VWA8: variants seen among roughly 807,000 people sequenced by gnomAD.
VWA8 encodes the protein von Willebrand factor A domain containing 8.
Under a neutral mutation model 241.5 loss-of-function variants are expected in VWA8, and 221 were observed. The ratio of observed to expected loss-of-function variants is 0.91; its 90% CI spans 0.82 to 1.02. The LOEUF is 1.02. Among genes scored for constraint, VWA8 ranks in the 50% least tolerant of loss-of-function variants. The probability of loss-of-function intolerance (pLI) is 0.00; values close to 1 mark genes in which losing one functional copy is unlikely to be tolerated. For missense variants in VWA8, 2,322 were observed against 2,328.7 expected (o/e 1.00, Z 0.06); for synonymous variants, 852 against 827.1 (o/e 1.03, Z -0.52).
At chr13:41,835,978 A>C (rs2138008316) in intron 12 of VWA8, among the ~76,000 whole-genome samples, 1 of 152,294 alleles carries the variant, frequency 6.6e-6, no homozygotes, top group South Asian at 2.1e-4. Context: ...GGAACTTTTG[A>C]AACATATATA....
intron 12 of VWA8, among the ~76,000 whole-genome samples, chr13:41,840,476 A>G (rs76154790): frequency 6.6e-6 from 1 of 152,012 alleles, no homozygotes; most frequent in African/African-American, 2.4e-5. Flanking sequence ...AAAAAAAAAA[A>G]GTTACAGGTG....
chr13:41,871,774 A>G (rs1418942830), intron 9 of VWA8, among the ~76,000 whole-genome samples: 1 of 152,162 alleles, frequency 6.6e-6, no homozygotes, highest in Non-Finnish European at 1.5e-5. Flanking sequence ...ATACATGTGC[A>G]TGTGTCTTTA....
At chr13:41,928,810 C>T (rs1357043864) in intron 2 of VWA8, among the ~76,000 whole-genome samples, 2 of 149,704 alleles carry the variant, frequency 1.3e-5, no homozygotes, top group African/African-American at 4.9e-5. Context: ...AAAAATAAAA[C>T]TGATAAACCT....
intron 37 of VWA8, among the ~76,000 whole-genome samples, chr13:41,624,858 A>G (rs1035871550): frequency 3.9e-5 from 6 of 152,150 alleles, no homozygotes; most frequent in African/African-American, 1.4e-4. Context: ...AAGGCATCCA[A>G]ATAGAAAGAC....
chr13:41,729,180 T>C (rs1000083221), intron 23 of VWA8, among the ~76,000 whole-genome samples: 7 of 151,950 alleles, frequency 4.6e-5, no homozygotes, highest in Admixed American at 3.9e-4. Flanking sequence ...TATGTGTACA[T>C]ATAAAATAAA....
At chr13:41,644,124 T>A (rs1397810278) in intron 37 of VWA8, among the ~76,000 whole-genome samples, 2 of 152,194 alleles carry the variant, frequency 1.3e-5, no homozygotes, top group African/African-American at 4.8e-5. Context: ...ACCCAGATTT[T>A]TTTTTAATTG....
At chr13:41,658,500 G>C (rs1428521053) in intron 37 of VWA8, among the ~76,000 whole-genome samples, 1 of 152,142 alleles carries the variant, frequency 6.6e-6, no homozygotes, top group African/African-American at 2.4e-5. Context: ...ACACAGTCAC[G>C]ATTACCTCAC....
chr13:41,615,023 G>C lies in VWA8; in HGVS notation c.4673C>G (p.Pro1558Arg), dbSNP rs2044612159. 1 of 1,613,750 alleles carries C rather than the reference G, an allele frequency of 6.2e-7. No individual in the cohort carries two copies. The highest frequency in any genetic ancestry group is 8.5e-7 in the Non-Finnish European group (1 of 1,179,966). ...GCCGCCCACGTGAGGCATGTTGTCTGGGTCCTCCTTCCCGTGTTTGGGGGA... is the reference window on the plus strand; with the variant it reads ...GCCGCCCACGTGAGGCATGTTGTCTCGGTCCTCCTTCCCGTGTTTGGGGGA... Reference protein sequence around the residue: ...VSSPKHGKEDPDNMPHVGGNT... With the variant: ...VSSPKHGKEDRDNMPHVGGNT... The change falls in exon 38 of 45, where the codon CCA becomes CGA. Residue 1558 changes from proline (P) to arginine (R), a missense_variant. Transcript: ENST00000379310.
At chr13:41,779,270 C>G (rs1436798240) in intron 19 of VWA8, among the ~76,000 whole-genome samples, 1 of 148,370 alleles carries the variant, frequency 6.7e-6, no homozygotes, top group African/African-American at 2.5e-5. Context: ...TATACATATA[C>G]ATACTCACAG....
intron 1 of VWA8, among the ~76,000 whole-genome samples, chr13:41,959,176 A>G (rs1259075647): frequency 6.6e-6 from 1 of 152,218 alleles, no homozygotes; most frequent in Non-Finnish European, 1.5e-5. Flanking sequence ...TTGAGCATTA[A>G]TATGTGCCAC....
chr13:41,662,429 A>G (rs1320383698), intron 37 of VWA8, among the ~76,000 whole-genome samples: 1 of 151,990 alleles, frequency 6.6e-6, no homozygotes, highest in African/African-American at 2.4e-5. Context: ...GTATTTTTAA[A>G]TTTTAATTGT....
At chr13:41,950,360 G>C (rs946534308) in intron 1 of VWA8, among the ~76,000 whole-genome samples, 1 of 143,796 alleles carries the variant, frequency 7.0e-6, no homozygotes, top group Non-Finnish European at 1.5e-5. Flanking sequence ...TATCCATAGA[G>C]TAAAATCTTT....
At chr13:41,856,161 C>A (rs1274652987) in intron 12 of VWA8, among the ~76,000 whole-genome samples, 2 of 152,006 alleles carry the variant, frequency 1.3e-5, no homozygotes, top group Non-Finnish European at 2.9e-5. Flanking sequence ...TATGGTAAAA[C>A]CCCATCGCTA....
At chr13:41,730,262 G>A (rs558650904) in intron 22 of VWA8, among the ~76,000 whole-genome samples, 2 of 152,292 alleles carry the variant, frequency 1.3e-5, no homozygotes, top group South Asian at 4.1e-4. Context: ...GAAGTTAAAT[G>A]TGAGAAAAGT....
rs556316151 is a variant in VWA8 at position 41,752,634 on chromosome 13, T to C, written c.2426+8494A>G. Among the ~76,000 whole-genome samples the C allele has an allele frequency of 2.6e-5, 4 of 152,238 alleles. No homozygotes were observed. The East Asian group carries it at 5.8e-4, about 22-fold the overall frequency. On this transcript the variant is annotated intron_variant, in intron 21 of 44. Transcript: ENST00000379310. ...CTGGGCAAAGAGGAGGGGATGGAAATAAGACATAGAAACTACTACAGTGCA... is the reference window on the plus strand; with the variant it reads ...CTGGGCAAAGAGGAGGGGATGGAAACAAGACATAGAAACTACTACAGTGCA...
rs375478438 is a variant in VWA8, at chr13:41,690,251, T to C, written c.3891A>G (p.Ala1297=). Residue 1297 remains alanine (A), a synonymous_variant, in exon 33 of 45, where the codon GCA becomes GCG. Coordinates refer to ENST00000379310, the MANE Select transcript of VWA8 (RefSeq NM_015058.2). ...TNQKYLLTKP[A]HIESEGSGVC... ...CCCCACTACCCTCAGATTCGATGTG[T>C]GCAGGCTTAGTTAAAAGATATTTCC... is the stretch of plus-strand genomic sequence containing the variant. The C allele has an allele frequency of 6.8e-6, 11 of 1,611,412 alleles. No individual in the cohort carries two copies. Among genetic ancestry groups the C allele is most frequent in the Non-Finnish European group, 9.3e-6 (11 of 1,178,682 alleles).
intron 20 of VWA8, among the ~76,000 whole-genome samples, chr13:41,773,275 T>C (rs1380534499): frequency 6.6e-6 from 1 of 152,218 alleles, no homozygotes; most frequent in Non-Finnish European, 1.5e-5. Flanking sequence ...TATTTGCCTG[T>C]CTTGATCTTC....
At chr13:41,784,705 T>TATATATAC (rs1869073395) in intron 18 of VWA8, among the ~76,000 whole-genome samples, 2 of 78,854 alleles carry the variant, frequency 2.5e-5, no homozygotes, top group Admixed American at 3.0e-4. Flanking sequence ...TACATATATA[T>TATATATAC]ATATATATAT....
chr13:41,859,021 G>A (rs1333414853), intron 12 of VWA8, among the ~76,000 whole-genome samples: 1 of 151,238 alleles, frequency 6.6e-6, no homozygotes, highest in Admixed American at 6.6e-5. Flanking sequence ...AAGCTGCAGT[G>A]AGCTGTGCCT....
Sources: allele counts gnomAD v4.1 joint callset (sites outside exome capture counted in the v4.1 genomes callset), GRCh38; gene constraint gnomAD v4.1.1; transcripts MANE v1.5; gene names NCBI Gene and HGNC (gene_info 2026-07-23, HGNC 2026-07-21).